CNTN5: variants seen among roughly 807,000 people sequenced by gnomAD.
The protein encoded by CNTN5 is contactin 5.
In CNTN5, 77 loss-of-function variants were observed where a neutral mutation model predicts 129.1. The ratio of observed to expected loss-of-function variants is 0.60; its 90% confidence interval spans 0.50 to 0.72. The LOEUF is 0.72. Among genes scored for constraint, CNTN5 ranks in the 30% least tolerant of loss-of-function variants. The pLI, the probability that CNTN5 is intolerant of heterozygous loss-of-function variation, is 0.00. For missense variants in CNTN5, 1,478 were observed against 1,328.8 expected, an observed-to-expected ratio of 1.11 and a Z score of -1.75; for synonymous variants, 509 against 465.6, an observed-to-expected ratio of 1.09 and a Z score of -1.20.
chr11:100,260,660 T>C (rs1450530187), intron 17 of CNTN5, among the ~76,000 whole-genome samples: 9 of 152,298 alleles, frequency 5.9e-5, no homozygotes, highest in Admixed American at 5.9e-4. Flanking sequence ...TCAATAAACA[T>C]AATCCATCAC....
intron 7 of CNTN5, among the ~76,000 whole-genome samples, chr11:99,948,221 A>G (rs1193646294): frequency 1.3e-5 from 2 of 152,194 alleles, no homozygotes; most frequent in African/African-American, 4.8e-5. Flanking sequence ...AACTCTGTAA[A>G]TCTTAATGTA....
At chr11:99,743,109 A>C (rs909272970) in intron 3 of CNTN5, among the ~76,000 whole-genome samples, 2 of 152,202 alleles carry the variant, frequency 1.3e-5, no homozygotes, top group Admixed American at 6.6e-5. Context: ...CTCATTTAAC[A>C]GTATGATAAG....
intron 4 of CNTN5, among the ~76,000 whole-genome samples, chr11:99,830,980 T>G (rs892259266): frequency 1.3e-5 from 2 of 152,150 alleles, no homozygotes; most frequent in African/African-American, 2.4e-5. Flanking sequence ...GTATATTTAC[T>G]AAATATTTTT....
At chr11:100,085,832 AC>A (rs1179502561) in intron 13 of CNTN5, among the ~76,000 whole-genome samples, 2 of 152,090 alleles carry the variant, frequency 1.3e-5, no homozygotes, top group Non-Finnish European at 2.9e-5. Flanking sequence ...ACTGTACCAT[AC>A]AAAAAACTTT....
intron 2 of CNTN5, among the ~76,000 whole-genome samples, chr11:99,520,488 A>T (rs903184428): frequency 4.6e-5 from 7 of 152,134 alleles, no homozygotes; most frequent in African/African-American, 1.7e-4. Context: ...ACTTCTTATT[A>T]AAGCCAACTT....
intron 9 of CNTN5, among the ~76,000 whole-genome samples, chr11:100,013,687 A>G (rs1940660955): frequency 6.6e-6 from 1 of 152,162 alleles, no homozygotes; most frequent in South Asian, 2.1e-4. Context: ...GTGTTATATC[A>G]TCATCATCCA....
At chr11:99,566,882 C>A (rs1313529757) in intron 3 of CNTN5, among the ~76,000 whole-genome samples, 1 of 152,118 alleles carries the variant, frequency 6.6e-6, no homozygotes, top group African/African-American at 2.4e-5. Flanking sequence ...TCATTTTGTA[C>A]TCCTCAGTAC....
intron 1 of CNTN5, among the ~76,000 whole-genome samples, chr11:99,134,047 A>G (rs1325556452): frequency 1.3e-5 from 2 of 152,214 alleles, no homozygotes; most frequent in East Asian, 3.8e-4. Flanking sequence ...TGTGGTACAT[A>G]TACGTCATGG....
At chr11:99,844,459 T>C in intron 4 of CNTN5, 1 of 275,268 alleles carries the variant, frequency 3.6e-6, no homozygotes, top group Non-Finnish European at 7.0e-6. Context: ...ACAATATTAA[T>C]ATATTACTTT....
At chr11:99,164,112 G>T (rs1248227786) in intron 1 of CNTN5, among the ~76,000 whole-genome samples, 1 of 152,080 alleles carries the variant, frequency 6.6e-6, no homozygotes, top group East Asian at 1.9e-4. Context: ...TGGATCACGA[G>T]GTTAGGAGTT....
chr11:99,954,791 T>A (rs1458386807), intron 7 of CNTN5, among the ~76,000 whole-genome samples: 2 of 152,208 alleles, frequency 1.3e-5, no homozygotes, highest in Non-Finnish European at 2.9e-5. Flanking sequence ...TGTCAGCTCT[T>A]CTATTGCGTA....
At chr11:99,960,360 T>G (rs1565724091) in intron 8 of CNTN5, among the ~76,000 whole-genome samples, 3 of 94,624 alleles carry the variant, frequency 3.2e-5, no homozygotes, top group African/African-American at 1.3e-4. Flanking sequence ...ACTTTTATGT[T>G]TTTTTTCTTC....
At chr11:99,788,471 A>G (rs1945617519) in intron 3 of CNTN5, among the ~76,000 whole-genome samples, 1 of 151,948 alleles carries the variant, frequency 6.6e-6, no homozygotes, top group African/African-American at 2.4e-5. Flanking sequence ...TGTGTAGCTC[A>G]TAAACACATT....
Position 100,224,709 on chromosome 11 carries a change from T to G in CNTN5, c.1902T>G (p.Asp634Glu), listed in dbSNP as rs1210361471. Residue 634 changes from aspartate to glutamate, a missense_variant, in exon 16 of 25, where the codon GAT (aspartate) becomes GAG (glutamate). Asp to Glu is a conservative substitution (Grantham distance 45, BLOSUM62 2). Coordinates refer to ENST00000524871, the MANE Select transcript of CNTN5 (RefSeq NM_014361.4). ...ESIRAQASSA[D>E]LMIRNILLMH... ...TCTTTCAGCAAGCATCCTCTGCAGA[T>G]TTAATGATCAGGAACATCCTTCTGA... The G allele has an allele frequency of 4.3e-6, 7 of 1,611,892 alleles. No individual in the cohort carries two copies. The highest frequency in any genetic ancestry group is 5.9e-6 in the Non-Finnish European group (7 of 1,178,430).
chr11:99,225,205 G>A (rs1256556622), intron 1 of CNTN5, among the ~76,000 whole-genome samples: 1 of 152,160 alleles, frequency 6.6e-6, no homozygotes, highest in Non-Finnish European at 1.5e-5. Flanking sequence ...AAGAACCTGA[G>A]TTGGAATAGA....
intron 9 of CNTN5, among the ~76,000 whole-genome samples, chr11:100,017,192 A>G (rs889495475): frequency 6.6e-6 from 1 of 151,946 alleles, no homozygotes; most frequent in Non-Finnish European, 1.5e-5. Flanking sequence ...ATATCCCTAC[A>G]GAGAAATGCA....
chr11:99,875,439 G>C (rs1159278846), intron 6 of CNTN5, among the ~76,000 whole-genome samples: 1 of 151,946 alleles, frequency 6.6e-6, no homozygotes, highest in Non-Finnish European at 1.5e-5. Context: ...TCTTTCATTT[G>C]CTTTTTTTCT....
At chr11:99,838,977 A>C (rs1288632615) in intron 4 of CNTN5, among the ~76,000 whole-genome samples, 1 of 152,202 alleles carries the variant, frequency 6.6e-6, no homozygotes, top group Non-Finnish European at 1.5e-5. Context: ...AGTTGTGGAC[A>C]TATCTTTTAA....
chr11:99,702,197 G>T (rs1432203132), intron 3 of CNTN5, among the ~76,000 whole-genome samples: 1 of 150,764 alleles, frequency 6.6e-6, no homozygotes, highest in Non-Finnish European at 1.5e-5. Flanking sequence ...CAAGTTATTT[G>T]CAGCCCCAGT....
Sources: gnomAD v4.1 joint callset for allele counts (sites outside exome capture counted in the v4.1 genomes callset) on GRCh38, gnomAD v4.1.1 for gene constraint, MANE v1.5 for transcripts, NCBI Gene and HGNC (gene_info 2026-07-23, HGNC 2026-07-21) for gene names.